Variants in FMN2 observed in about 807,000 individuals in gnomAD.
FMN2 encodes the protein formin-2.
Under a neutral mutation model 142.3 loss-of-function variants are expected in FMN2, and 51 were observed. The observed-to-expected ratio is 0.36, with a 90% CI of 0.29 to 0.45. FMN2 has a LOEUF of 0.45. Among genes scored for constraint, FMN2 ranks in the 20% least tolerant of loss-of-function variants. The pLI is 1.00. For synonymous variants in FMN2, 882 were observed against 869.8 expected (o/e 1.01, Z -0.25); for missense variants, 1,936 against 2,122.8 (o/e 0.91, Z 1.73).
intron 15 of FMN2, among the ~76,000 whole-genome samples, chr1:240,393,631 G>A (rs9659428): frequency 0.54 from 82,836 of 152,040 alleles, 24,038 homozygotes; most frequent in African/African-American, 0.75. Context: ...ACCTTAATGA[G>A]GAAGGTATAT....
At chr1:240,372,185 G>T (rs1024399112) in intron 14 of FMN2, among the ~76,000 whole-genome samples, 2 of 152,136 alleles carry the variant, frequency 1.3e-5, no homozygotes, top group Non-Finnish European at 1.5e-5. Flanking sequence ...TCAGTAAGCC[G>T]AGATCACGTC....
At chr1:240,417,142 T>C (rs935572318) in intron 15 of FMN2, among the ~76,000 whole-genome samples, 1 of 148,902 alleles carries the variant, frequency 6.7e-6, no homozygotes, top group African/African-American at 2.5e-5. Flanking sequence ...TACACTTAGT[T>C]TGGGATCTAG....
intron 16 of FMN2, among the ~76,000 whole-genome samples, chr1:240,461,367 A>T (rs1364456158): frequency 6.6e-6 from 1 of 152,114 alleles, no homozygotes; most frequent in Non-Finnish European, 1.5e-5. Context: ...GGTTATCTGT[A>T]AGCTCTCCTA....
intron 15 of FMN2, among the ~76,000 whole-genome samples, chr1:240,404,558 A>G (rs937661453): frequency 2.6e-5 from 4 of 152,208 alleles, no homozygotes; most frequent in Non-Finnish European, 5.9e-5. Flanking sequence ...TTAGTTAACT[A>G]CTTCTAATCC....
At chr1:240,356,065 A>G (rs1477643030) in intron 14 of FMN2, among the ~76,000 whole-genome samples, 157 bp downstream of exon 14, 1 of 150,794 alleles carries the variant, frequency 6.6e-6, no homozygotes, top group Non-Finnish European at 1.5e-5. Flanking sequence ...GATTAAGTTG[A>G]ATTATGAGTC....
chr1:240,275,920 C>T (rs558990171), intron 7 of FMN2, among the ~76,000 whole-genome samples: 1 of 152,114 alleles, frequency 6.6e-6, no homozygotes, highest in Non-Finnish European at 1.5e-5. Flanking sequence ...TATCCTTTGC[C>T]CACTTTTTGA....
In FMN2 at chr1:240,142,718, G is replaced by A. The variant is rs569783891; in HGVS notation, c.1782+19373G>A. On this transcript the variant is annotated intron_variant, in intron 2 of 17. Transcript: ENST00000319653. ...GAAGGATAACAAAACTTTCCAGAATGGGGGTAACAGGAAGAAACTCCTCAG... is the reference window on the plus strand; with the variant it reads ...GAAGGATAACAAAACTTTCCAGAATAGGGGTAACAGGAAGAAACTCCTCAG... The A allele has an allele frequency of 3.1e-6, 5 of 1,610,978 alleles. No homozygotes were observed. The East Asian group carries it at 1.1e-4, about 36-fold the overall frequency.
intron 8 of FMN2, among the ~76,000 whole-genome samples, chr1:240,306,837 A>G (rs1242028603): frequency 6.6e-6 from 1 of 152,246 alleles, no homozygotes; most frequent in Non-Finnish European, 1.5e-5. Flanking sequence ...TGCTGTCCAC[A>G]GTGGCTGGAC....
intron 13 of FMN2, among the ~76,000 whole-genome samples, chr1:240,335,983 A>C (rs7534735): frequency 0.43 from 65,587 of 151,408 alleles, 14,781 homozygotes; most frequent in Admixed American, 0.54. Context: ...ATCTCTACTA[A>C]AAATACAAAA....
intron 8 of FMN2, among the ~76,000 whole-genome samples, chr1:240,312,294 A>G (rs933223427): frequency 1.3e-5 from 2 of 152,086 alleles, no homozygotes; most frequent in African/African-American, 4.8e-5. Flanking sequence ...GGAGATTTCC[A>G]CTTACCATCT....
intron 2 of FMN2, among the ~76,000 whole-genome samples, chr1:240,153,003 G>C (rs1177463199): frequency 6.6e-6 from 1 of 152,230 alleles, no homozygotes; most frequent in East Asian, 1.9e-4. Flanking sequence ...GAGGAAAATA[G>C]AAGAGTTTTG....
chr1:240,337,029 A>G (rs142595331), intron 13 of FMN2, among the ~76,000 whole-genome samples: 46 of 152,244 alleles, frequency 3.0e-4, no homozygotes, highest in African/African-American at 1.0e-3. Flanking sequence ...TCAACAACGC[A>G]TGAAATCTGC....
chr1:240,470,407 G>A (rs1380657556), intron 16 of FMN2, among the ~76,000 whole-genome samples: 1 of 152,148 alleles, frequency 6.6e-6, no homozygotes, highest in African/African-American at 2.4e-5. Context: ...TGGTAACAAT[G>A]AAGTATCTTC....
rs116726101 is a variant in FMN2 at position 240,268,795 on chromosome 1, T to G, written c.4153+10763T>G. 8.2e-3 allele frequency among the ~76,000 whole-genome samples: 1,245 copies of G among 152,118 alleles called. 19 individuals carry two copies. Among genetic ancestry groups the G allele is most frequent in the African/African-American group, 0.028 (1,162 of 41,540 alleles). Reference sequence around the variant, plus strand: ...TGGTTTTAATTTACATTTCTCTGATTAGTGATGTAGAGCATTTTTTCATTT... The same window carrying G: ...TGGTTTTAATTTACATTTCTCTGATGAGTGATGTAGAGCATTTTTTCATTT... On this transcript the variant is annotated intron_variant, in intron 7 of 17. Transcript: ENST00000319653.
rs1676138875 is a variant in FMN2 at position 240,453,861 on chromosome 1, C to T, written c.5060+15651C>T. Among the ~76,000 whole-genome samples the T allele has an allele frequency of 5.2e-5, 3 of 57,990 alleles. 1 individual carries two copies. The highest frequency in any genetic ancestry group is 1.6e-4 in the African/African-American group (3 of 19,260). The allele number at this position is 57,990 out of a possible 152,430, so 38.0% of individuals were successfully genotyped here. ...AAAATTAGCCGGGCGCGGTGGCGGG[C>T]GCCTGTAGTCCCAGCTACTCGGGAG... On this transcript the variant is annotated intron_variant, in intron 16 of 17. Transcript: ENST00000319653.
chr1:240,170,991 C>T (rs998729015), intron 2 of FMN2: 2 of 809,780 alleles, frequency 2.5e-6, no homozygotes, highest in Admixed American at 1.7e-5. Context: ...ATGTCAAGGT[C>T]GTGAGAGCAG....
chr1:240,146,573 A>C (rs554161051), intron 2 of FMN2, among the ~76,000 whole-genome samples: 12 of 151,600 alleles, frequency 7.9e-5, no homozygotes, highest in Admixed American at 1.3e-4. Context: ...GCGTGGTGGC[A>C]TGCAACTCTA....
intron 2 of FMN2, among the ~76,000 whole-genome samples, chr1:240,132,630 G>A (rs545324798): frequency 1.6e-4 from 24 of 152,226 alleles, no homozygotes; most frequent in African/African-American, 5.8e-4. Context: ...TCCTTGACAT[G>A]TGAAGGCTAT....
chr1:240,228,303 C>CAAAAAAAAAAAAAAAAAAAAAAAAAAAAA (rs577421634), intron 6 of FMN2, among the ~76,000 whole-genome samples: 17 of 47,746 alleles, frequency 3.6e-4, no homozygotes, highest in South Asian at 1.1e-3. Context: ...AACTCTGTCT[C>CAAAAAAAAAAAAAAAAAAAAAAAAAAAAA]AAAAAAAAAA....
Sources: gnomAD v4.1 joint callset for allele counts (sites outside exome capture counted in the v4.1 genomes callset) on GRCh38, gnomAD v4.1.1 for gene constraint, MANE v1.5 for transcripts, NCBI Gene and HGNC (gene_info 2026-07-23, HGNC 2026-07-21) for gene names.